The following DOCK3 variants were observed in gnomAD, a reference collection of about 807,000 sequenced individuals.
The protein encoded by DOCK3 is dedicator of cytokinesis 3.
A neutral mutation model predicts 265.6 loss-of-function variants in DOCK3; 60 were observed. The observed-to-expected ratio is 0.23, with a 90% CI of 0.18 to 0.28. DOCK3 has a LOEUF of 0.28. Ranked by LOEUF, DOCK3 falls within the 10% of genes least tolerant of loss-of-function variation. The pLI is 1.00. For synonymous variants in DOCK3, 881 were observed against 938.0 expected (o/e 0.94, Z 1.11); for missense variants, 1,981 against 2,594.3 (o/e 0.76, Z 5.14).
chr3:50,919,069 G>A (rs1052288972), intron 4 of DOCK3, among the ~76,000 whole-genome samples: 1 of 152,144 alleles, frequency 6.6e-6, no homozygotes, highest in Non-Finnish European at 1.5e-5. Flanking sequence ...TCAGATGGTT[G>A]TAGATGTGTG....
At chr3:51,327,714 C>G (rs955769358) in intron 32 of DOCK3, among the ~76,000 whole-genome samples, 15 of 138,328 alleles carry the variant, frequency 1.1e-4, no homozygotes, top group Non-Finnish European at 1.7e-4. Flanking sequence ...GAGTCTCACT[C>G]TGTTGCCCAG....
intron 5 of DOCK3, among the ~76,000 whole-genome samples, chr3:50,952,160 T>G (rs1448406490): frequency 6.6e-6 from 1 of 152,206 alleles, no homozygotes; most frequent in Non-Finnish European, 1.5e-5. Flanking sequence ...GACAGCCAGC[T>G]CTGAGGCTTG....
chr3:50,896,423 C>G (rs1461955752), intron 4 of DOCK3, among the ~76,000 whole-genome samples: 2 of 151,936 alleles, frequency 1.3e-5, no homozygotes, highest in Non-Finnish European at 2.9e-5. Context: ...ACATTTTCTC[C>G]CATTCTGTAG....
chr3:50,719,507 G>T lies in DOCK3; in HGVS notation c.37+44207G>T, dbSNP rs956466312. 4.3e-6 allele frequency: 4 copies of T among 922,910 alleles called. No homozygotes were observed. In the African/African-American group the frequency reaches 6.5e-5, roughly 15 times the overall value. The allele number at this position is 922,910 out of a possible 1,614,324, so 57.2% of individuals were successfully genotyped here. A position where few individuals can be genotyped will look rare whatever the true frequency, so the allele number is the denominator to read the frequency against. On this transcript the variant is annotated intron_variant, in intron 1 of 52. Coordinates refer to ENST00000266037, the MANE Select transcript of DOCK3 (RefSeq NM_004947.5). Reference sequence around the variant, plus strand: ...TTAGAATTGTCCACAGTCGGCAATGGTGATCTTCTCACTGGTCTTGCCGTT... The same window carrying T: ...TTAGAATTGTCCACAGTCGGCAATGTTGATCTTCTCACTGGTCTTGCCGTT...
intron 2 of DOCK3, among the ~76,000 whole-genome samples, chr3:50,804,494 T>G (rs1473053796): frequency 1.3e-5 from 2 of 152,000 alleles, no homozygotes; most frequent in Non-Finnish European, 2.9e-5. Flanking sequence ...CCCGGTACCT[T>G]GGGAGGCTGA....
chr3:50,726,114 T>C (rs1448653762), intron 1 of DOCK3, among the ~76,000 whole-genome samples: 1 of 152,212 alleles, frequency 6.6e-6, no homozygotes, highest in Non-Finnish European at 1.5e-5. Context: ...CAATGTATAA[T>C]GCTATGTACA....
chr3:50,905,383 C>T (rs908036002), intron 4 of DOCK3, among the ~76,000 whole-genome samples: 1 of 152,208 alleles, frequency 6.6e-6, no homozygotes, highest in African/African-American at 2.4e-5. Flanking sequence ...ATTGCTTCTT[C>T]CTATCCATGA....
intron 12 of DOCK3, among the ~76,000 whole-genome samples, chr3:51,196,156 A>G (rs1186589820): frequency 1.3e-5 from 2 of 150,800 alleles, no homozygotes; most frequent in African/African-American, 2.5e-5. Flanking sequence ...GGCTGTTCTC[A>G]AACTCCTGGA....
At chr3:50,922,157 G>T (rs1029472462) in intron 4 of DOCK3, among the ~76,000 whole-genome samples, 10 of 152,322 alleles carry the variant, frequency 6.6e-5, no homozygotes, top group Non-Finnish European at 1.2e-4. Flanking sequence ...CGCAGAGGTG[G>T]AGTCTACAGA....
Position 51,381,904 on chromosome 3 carries a change from T to C in DOCK3, c.*345T>C, listed in dbSNP as rs1553619013. On this transcript the variant is annotated 3_prime_UTR_variant, in exon 53 of 53. Transcript: ENST00000266037. This position sits in a 1 kb window ranked among gnomAD's most constrained non-coding sequence, Gnocchi z 5.6. ...CACAGACAGAATCACTTTGCCACACTGCAGGGCCCAGGAGTGGGAGCCCAG... is the reference window on the plus strand; with the variant it reads ...CACAGACAGAATCACTTTGCCACACCGCAGGGCCCAGGAGTGGGAGCCCAG... 15 of 210,120 alleles carry C rather than the reference T, an allele frequency of 7.1e-5. No homozygotes were observed. The highest frequency in any genetic ancestry group is 1.4e-4 in the Non-Finnish European group (15 of 105,186). The allele number at this position is 210,120 out of a possible 1,614,324, so 13.0% of individuals were successfully genotyped here.
At chr3:51,034,713 G>A (rs1341266666) in intron 5 of DOCK3, among the ~76,000 whole-genome samples, 2 of 152,062 alleles carry the variant, frequency 1.3e-5, no homozygotes, top group South Asian at 2.1e-4. Context: ...TGTAGATTTA[G>A]GAGTGGAGTT....
chr3:51,176,389 A>G (rs552320869), intron 12 of DOCK3, among the ~76,000 whole-genome samples: 1 of 152,226 alleles, frequency 6.6e-6, no homozygotes, highest in African/African-American at 2.4e-5. Flanking sequence ...GGCCGAAGGC[A>G]GGCAGACCAC....
At chr3:51,306,131 G>C (rs569658469) in intron 27 of DOCK3, among the ~76,000 whole-genome samples, 4 of 151,566 alleles carry the variant, frequency 2.6e-5, no homozygotes, top group African/African-American at 9.7e-5. Flanking sequence ...CTCTCAAAGT[G>C]CTAGGATTAC....
intron 49 of DOCK3, among the ~76,000 whole-genome samples, chr3:51,368,502 G>A (rs1186443564): frequency 6.6e-6 from 1 of 152,214 alleles, no homozygotes; most frequent in African/African-American, 2.4e-5. Flanking sequence ...CAGTGAGGCT[G>A]TGGGAGGGGC....
intron 2 of DOCK3, among the ~76,000 whole-genome samples, chr3:50,805,647 A>G (rs1423200331): frequency 2.0e-5 from 3 of 152,124 alleles, no homozygotes; most frequent in East Asian, 3.9e-4. Context: ...GGGCTTGTCT[A>G]TCAGGTGCAG....
chr3:50,934,694 G>A (rs1390954319), intron 5 of DOCK3, among the ~76,000 whole-genome samples: 1 of 151,790 alleles, frequency 6.6e-6, no homozygotes, highest in Non-Finnish European at 1.5e-5. Flanking sequence ...GTGTGTGCCT[G>A]TAGTCCTAGC....
At chr3:51,262,499 A>G (rs1195049693) in intron 23 of DOCK3, among the ~76,000 whole-genome samples, 1 of 152,186 alleles carries the variant, frequency 6.6e-6, no homozygotes, top group Non-Finnish European at 1.5e-5. Context: ...AAAAAACCAG[A>G]ACGCCTCTTC....
intron 4 of DOCK3, among the ~76,000 whole-genome samples, chr3:50,930,496 C>T (rs1327887785): frequency 2.0e-5 from 3 of 152,190 alleles, no homozygotes; most frequent in South Asian, 4.1e-4. Context: ...CTGCTCCTGG[C>T]CCCCTGGAGC....
At chr3:50,829,891 T>A (rs1333289839) in intron 2 of DOCK3, among the ~76,000 whole-genome samples, 2 of 152,238 alleles carry the variant, frequency 1.3e-5, no homozygotes, top group African/African-American at 4.8e-5. Context: ...CTCAGTTTTT[T>A]AATGTACATT....
Sources: gnomAD v4.1 joint callset for allele counts (sites outside exome capture counted in the v4.1 genomes callset) on GRCh38, gnomAD v4.1.1 for gene constraint, Gnocchi (gnomAD v3.1) non-coding constraint, MANE v1.5 for transcripts, NCBI Gene and HGNC (gene_info 2026-07-23, HGNC 2026-07-21) for gene names.